ADARB2: variants seen among roughly 807,000 people sequenced by gnomAD.
The protein encoded by ADARB2 is adenosine deaminase RNA specific B2 (inactive).
A neutral mutation model predicts 62.2 loss-of-function variants in ADARB2; 25 were observed. The ratio of observed to expected loss-of-function variants is 0.40; its 90% CI spans 0.29 to 0.56. The LOEUF (loss-of-function observed/expected upper bound fraction) is 0.56. Ranked by LOEUF, ADARB2 falls within the 20% of genes least tolerant of loss-of-function variation. ADARB2 has a pLI of 0.43. For missense variants in ADARB2, 1,071 were observed against 1,077.4 expected, an observed-to-expected ratio of 0.99 and a Z score of 0.08; for synonymous variants, 572 against 500.8, an observed-to-expected ratio of 1.14 and a Z score of -1.90.
chr10:1,346,954 C>G (rs979247621), intron 3 of ADARB2, among the ~76,000 whole-genome samples: 1 of 152,268 alleles, frequency 6.6e-6, no homozygotes, highest in Non-Finnish European at 1.5e-5. Flanking sequence ...ACCAAGAAAG[C>G]AGCCCCCAGC....
At chr10:1,206,090 C>A (rs1411619834) in intron 7 of ADARB2, among the ~76,000 whole-genome samples, 1 of 152,230 alleles carries the variant, frequency 6.6e-6, no homozygotes, top group Non-Finnish European at 1.5e-5. Flanking sequence ...TACTTCCAGG[C>A]CACACATATC....
chr10:1,510,601 G>C (rs924218032), intron 1 of ADARB2, among the ~76,000 whole-genome samples: 1 of 152,164 alleles, frequency 6.6e-6, no homozygotes. Flanking sequence ...ATCATTTCTT[G>C]GTTGAATTTC....
chr10:1,571,280 T>C (rs1191575148), intron 1 of ADARB2, among the ~76,000 whole-genome samples: 2 of 150,694 alleles, frequency 1.3e-5, no homozygotes, highest in Admixed American at 1.3e-4. Flanking sequence ...TTTGATCTAT[T>C]TTTACTTTTT....
chr10:1,584,684 G>A (rs905491191), intron 1 of ADARB2, among the ~76,000 whole-genome samples: 4 of 152,206 alleles, frequency 2.6e-5, no homozygotes, highest in East Asian at 3.9e-4. Context: ...AACTTGGAGC[G>A]ACCAAGAGGC....
intron 7 of ADARB2, among the ~76,000 whole-genome samples, chr10:1,210,895 C>T (rs1463021977): frequency 6.6e-6 from 1 of 152,154 alleles, no homozygotes; most frequent in Non-Finnish European, 1.5e-5. Context: ...TCAGTGGAGC[C>T]ATCATAGCCA....
intron 6 of ADARB2, 110 bp downstream of exon 6, chr10:1,233,584 G>T: frequency 8.4e-7 from 1 of 1,187,976 alleles, no homozygotes; most frequent in South Asian, 2.2e-5. Flanking sequence ...AGTACCCAAG[G>T]GCCCCACACA....
intron 1 of ADARB2, among the ~76,000 whole-genome samples, chr10:1,614,879 C>A (rs916614767): frequency 4.0e-5 from 6 of 151,106 alleles, no homozygotes; most frequent in African/African-American, 1.5e-4. Flanking sequence ...CCAGTGCACT[C>A]CAGTATGGGT....
intron 1 of ADARB2, among the ~76,000 whole-genome samples, chr10:1,590,242 G>A (rs1833234276): frequency 6.6e-6 from 1 of 152,210 alleles, no homozygotes; most frequent in Non-Finnish European, 1.5e-5. Flanking sequence ...GTGGCACCCA[G>A]CCCATTAGGA....
intron 1 of ADARB2, among the ~76,000 whole-genome samples, chr10:1,705,185 C>G (rs1253721122): frequency 6.6e-6 from 1 of 152,240 alleles, no homozygotes; most frequent in Non-Finnish European, 1.5e-5. Flanking sequence ...TCCTCTTGAT[C>G]TAATGACGAA....
At chr10:1,610,680 G>A (rs770342765) in intron 1 of ADARB2, among the ~76,000 whole-genome samples, 35 of 152,240 alleles carry the variant, frequency 2.3e-4, no homozygotes, top group Middle Eastern at 3.4e-3. Context: ...TTGTGTCCCG[G>A]CATTTCACAA....
At chr10:1,486,695 A>G (rs931556541) in intron 1 of ADARB2, among the ~76,000 whole-genome samples, 2 of 152,210 alleles carry the variant, frequency 1.3e-5, no homozygotes, top group Admixed American at 1.3e-4. Flanking sequence ...GCCAGCCATC[A>G]GCATCAGCCT....
chr10:1,335,744 CT>C (rs1831968051), intron 3 of ADARB2, among the ~76,000 whole-genome samples: 1 of 152,186 alleles, frequency 6.6e-6, no homozygotes, highest in Non-Finnish European at 1.5e-5. Flanking sequence ...TACTCTGTCA[CT>C]TTTCTCTGAT....
rs187918729 is a variant in ADARB2 at position 1,730,680 on chromosome 10, A to T, written c.100+6371T>A. ...CATGTTACTCTTCTTTTTTTATAGGAATGCATGATTTATTGGACACTATTT... is the reference window on the plus strand; with the variant it reads ...CATGTTACTCTTCTTTTTTTATAGGTATGCATGATTTATTGGACACTATTT... On this transcript the variant is annotated intron_variant, in intron 1 of 9. Transcript: ENST00000381312. 5.3e-5 allele frequency among the ~76,000 whole-genome samples: 8 copies of T among 152,166 alleles called. No individual in the cohort carries two copies. In the East Asian group the frequency reaches 1.5e-3, roughly 29 times the overall value.
chr10:1,268,281 A>T (rs923183454), intron 4 of ADARB2, among the ~76,000 whole-genome samples: 6 of 152,166 alleles, frequency 3.9e-5, no homozygotes, highest in African/African-American at 1.2e-4. Context: ...TGAGGGGTGG[A>T]GTGGGAGAAT....
intron 3 of ADARB2, chr10:1,291,082 A>G (rs1831461785): frequency 6.6e-6 from 1 of 152,258 alleles, no homozygotes. Flanking sequence ...CTAGAGAAAG[A>G]GATTCCCTTG....
chr10:1,302,196 C>A (rs887845293), intron 3 of ADARB2, among the ~76,000 whole-genome samples: 1 of 152,212 alleles, frequency 6.6e-6, no homozygotes, highest in African/African-American at 2.4e-5. Context: ...CGAAGCAGGG[C>A]GAGGCATTGC....
rs75864472 is a variant in ADARB2, at chr10:1,735,096, C to T, written c.100+1955G>A. 1.2e-3 allele frequency among the ~76,000 whole-genome samples: 187 copies of T among 152,292 alleles called. 4 individuals are homozygous for T. In the East Asian group the frequency reaches 0.031, roughly 25 times the overall value. ...TTTGACTTTCCTATCAAGATAGCTGCCGGCAGGTGCCCTGGGAAATTCTCC... is the reference window on the plus strand; with the variant it reads ...TTTGACTTTCCTATCAAGATAGCTGTCGGCAGGTGCCCTGGGAAATTCTCC... On this transcript the variant is annotated intron_variant, in intron 1 of 9. Transcript: ENST00000381312.
chr10:1,267,872 G>A (rs1831221397), intron 4 of ADARB2, among the ~76,000 whole-genome samples: 1 of 152,156 alleles, frequency 6.6e-6, no homozygotes, highest in Admixed American at 6.5e-5. Flanking sequence ...TCAGATAGAT[G>A]CTGTTCAGCT....
At chr10:1,550,900 G>T (rs879868228) in intron 1 of ADARB2, among the ~76,000 whole-genome samples, 88 of 152,122 alleles carry the variant, frequency 5.8e-4, no homozygotes, top group Admixed American at 8.5e-4. Flanking sequence ...GAAGAATGGT[G>T]TGGAGTTCGG....
Sources: gnomAD v4.1 joint callset for allele counts (sites outside exome capture counted in the v4.1 genomes callset) on GRCh38, gnomAD v4.1.1 for gene constraint, MANE v1.5 for transcripts, NCBI Gene and HGNC (gene_info 2026-07-23, HGNC 2026-07-21) for gene names.